Variants in TMEM238 observed in about 807,000 individuals in gnomAD.
TMEM238 encodes the protein transmembrane protein 238.
For synonymous variants in TMEM238, 103 were observed against 111.5 expected (o/e 0.92, Z 0.48); for missense variants, 169 against 206.8 (o/e 0.82, Z 1.12).
intron 1 of TMEM238, among the ~76,000 whole-genome samples, chr19:55,380,266 TCTCCTCCCCTCCCCTCCCCTCCCCC>T (rs1176511865): frequency 8.3e-6 from 1 of 120,712 alleles, no homozygotes; most frequent in Non-Finnish European, 1.7e-5. Flanking sequence ...AGGATTCTCC[TCTCCTCCCCTCCCCTCCCCTCCCCC>T]CTTCCCCCCT....
chr19:55,382,569 G>A (rs1361547785), intron 1 of TMEM238, among the ~76,000 whole-genome samples: 6 of 152,202 alleles, frequency 3.9e-5, no homozygotes. Flanking sequence ...CACTCCTGGT[G>A]TAGAGAAGAG....
chr19:55,380,110 C>T (rs1046368141), intron 1 of TMEM238, among the ~76,000 whole-genome samples: 107 of 152,094 alleles, frequency 7.0e-4, no homozygotes, highest in African/African-American at 2.4e-3. Context: ...GCTGCTCACT[C>T]TCCCCAGTAA....
intron 1 of TMEM238, among the ~76,000 whole-genome samples, chr19:55,381,310 C>T (rs766170501): frequency 1.2e-4 from 17 of 144,922 alleles, no homozygotes; most frequent in South Asian, 2.3e-4. Flanking sequence ...CCCAGCTACT[C>T]GGGAAGCTGA....
chr19:55,382,601 T>C (rs528889766), intron 1 of TMEM238, among the ~76,000 whole-genome samples: 8 of 152,070 alleles, frequency 5.3e-5, no homozygotes, highest in African/African-American at 1.9e-4. Flanking sequence ...ACCAACTGGC[T>C]ATCTGTGGAC....
chr19:55,383,985 C>G lies in TMEM238; in HGVS notation c.275G>C (p.Gly92Ala). 1 of 1,423,286 alleles carries G rather than the reference C, an allele frequency of 7.0e-7. No individual in the cohort carries two copies. The highest frequency in any genetic ancestry group is 9.3e-7 in the Non-Finnish European group (1 of 1,080,012). 88.2% of individuals were successfully genotyped at this position (1,423,286 alleles called of 1,614,324 possible). A position where few individuals can be genotyped will look rare whatever the true frequency, so the allele number is the denominator to read the frequency against. ...SLLGWILWYT[G>A]NIEISRQELE... ...CTCCTGGCGCGAGATCTCGATGTTG[C>G]CGGTGTACCAGAGGATCCAGCCCAG... Residue 92 changes from glycine (G) to alanine (A), a missense_variant, in exon 1 of 2, where the codon GGC becomes GCC. Coordinates refer to ENST00000444469, the MANE Select transcript of TMEM238 (RefSeq NM_001190764.2). The surrounding 1 kb of genome is among the most constrained non-coding windows in gnomAD (Gnocchi z 4.9).
In TMEM238 at chr19:55,384,207, G is replaced by T. The variant is rs1205423168; in HGVS notation, c.53C>A (p.Pro18Gln). 2.6e-6 allele frequency: 3 copies of T among 1,165,342 alleles called. No homozygotes were observed. The African/African-American group carries it at 4.9e-5, about 19-fold the overall frequency. 72.2% of individuals were successfully genotyped at this position (1,165,342 alleles called of 1,614,324 possible). A position where few individuals can be genotyped will look rare whatever the true frequency, so the allele number is the denominator to read the frequency against. The change falls in exon 1 of 2, where the codon CCG becomes CAG. Residue 18 changes from proline (P) to glutamine (Q), a missense_variant. Pro to Gln is a moderately conservative substitution (Grantham distance 76). Coordinates refer to ENST00000444469, the MANE Select transcript of TMEM238 (RefSeq NM_001190764.2). The surrounding 1 kb of genome is among the most constrained non-coding windows in gnomAD (Gnocchi z 5.6). ...TGCTGGCGCGGCCGCCGGCGCGGAC[G>T]GTGCACCCGGCGGGCTCCCCTGCGA... is the stretch of plus-strand genomic sequence containing the variant. ...CASQGSPPGA[P>Q]SAPAAAPAPA...
chr19:55,380,770 C>T (rs576205989), intron 1 of TMEM238, among the ~76,000 whole-genome samples: 1 of 150,868 alleles, frequency 6.6e-6, no homozygotes, highest in Admixed American at 6.6e-5. Flanking sequence ...CGGGTTCTCA[C>T]TCTGTCACTC....
chr19:55,380,188 C>T (rs916649022), intron 1 of TMEM238, among the ~76,000 whole-genome samples: 1 of 151,680 alleles, frequency 6.6e-6, no homozygotes, highest in Non-Finnish European at 1.5e-5. Flanking sequence ...TCAGTGTGGT[C>T]TGAGTCTTTG....
chr19:55,383,934 G>C lies in TMEM238; in HGVS notation c.326C>G (p.Pro109Arg). 7.7e-7 allele frequency: 1 copy of C among 1,306,058 alleles called. No individual in the cohort carries two copies. Among genetic ancestry groups the C allele is most frequent in the Non-Finnish European group, 9.9e-7 (1 of 1,011,462 alleles). The allele number at this position is 1,306,058 out of a possible 1,614,324, so 80.9% of individuals were successfully genotyped here. ...QELERDYGLR[P>R]SALARLARKL... ...GCGCGCCAGGCGGGCGAGCGCCGAG[G>C]GCCGCAGGCCGTAGTCGCGCTCCAG... The change falls in exon 1 of 2, where the codon CCC becomes CGC. Residue 109 changes from proline to arginine, a missense_variant. Physicochemically the swap from Pro to Arg is moderately radical, Grantham distance 103. Coordinates refer to ENST00000444469, the MANE Select transcript of TMEM238 (RefSeq NM_001190764.2). This position sits in a 1 kb window ranked among gnomAD's most constrained non-coding sequence, Gnocchi z 4.9.
rs2089892485 is a variant in TMEM238 at position 55,383,043 on chromosome 19, A to G, written c.*7+679T>C. Among the ~76,000 whole-genome samples the G allele has an allele frequency of 6.6e-6, 1 of 152,212 alleles. No individual in the cohort carries two copies. Among genetic ancestry groups the G allele is most frequent in the South Asian group, 2.1e-4 (1 of 4,836 alleles). Reference sequence around the variant, plus strand: ...CCTCCACTGCAGAATGGGGATGGTAATAGTAGTGACCTTGGAGACCAGTTA... The same window carrying G: ...CCTCCACTGCAGAATGGGGATGGTAGTAGTAGTGACCTTGGAGACCAGTTA... On this transcript the variant is annotated intron_variant, in intron 1 of 1. Coordinates refer to ENST00000444469, the MANE Select transcript of TMEM238 (RefSeq NM_001190764.2). This position sits in a 1 kb window ranked among gnomAD's most constrained non-coding sequence, Gnocchi z 4.9.
intron 1 of TMEM238, among the ~76,000 whole-genome samples, chr19:55,380,672 G>A (rs12981704): frequency 0.86 from 129,941 of 151,052 alleles, 56,607 homozygotes; most frequent in South Asian, 0.93. Flanking sequence ...TGATCCACCC[G>A]CCTCGGCCTC....
rs539837245 is a variant in TMEM238, at chr19:55,379,284, G to T, written c.*91C>A. ...TTTTATCCAAGTGAGGAGGGAGGGG[G>T]TACAGGGAGCGTCCGTCTGGCCACG... On this transcript the variant is annotated 3_prime_UTR_variant, in exon 2 of 2. Transcript: ENST00000444469. 6.6e-6 allele frequency: 1 copy of T among 152,314 alleles called. No homozygotes were observed. The highest frequency in any genetic ancestry group is 1.5e-5 in the Non-Finnish European group (1 of 68,102). The allele number at this position is 152,314 out of a possible 1,614,324, so 9.4% of individuals were successfully genotyped here.
At position 55,384,097 on chromosome 19, in the gene TMEM238, C is replaced by T. The variant is rs766136378; in HGVS notation, c.163G>A (p.Gly55Ser). 2 of 1,462,104 alleles carry T rather than the reference C, an allele frequency of 1.4e-6. No homozygotes were observed. Among genetic ancestry groups the T allele is most frequent in the Admixed American group, 2.1e-5 (1 of 46,598 alleles). The allele number at this position is 1,462,104 out of a possible 1,614,324, so 90.6% of individuals were successfully genotyped here. A position where few individuals can be genotyped will look rare whatever the true frequency, so the allele number is the denominator to read the frequency against. Residue 55 changes from glycine (G) to serine (S), a missense_variant, in exon 1 of 2, where the codon GGC becomes AGC. Coordinates refer to ENST00000444469, the MANE Select transcript of TMEM238 (RefSeq NM_001190764.2). This position sits in a 1 kb window ranked among gnomAD's most constrained non-coding sequence, Gnocchi z 5.6. ...DVAGMAALLT[G>S]VFAQLQVRGR... ...CGCACCTGCAGCTGCGCGAACACGC[C>T]GGTCAGCAGCGCCGCCATGCCCGCC...
Position 55,384,082 on chromosome 19 carries a change from G to A in TMEM238, c.178C>T (p.Leu60=), listed in dbSNP as rs2089898416. Reference sequence around the variant, plus strand: ...CCGAAGTCGCGGCCGCGCACCTGCAGCTGCGCGAACACGCCGGTCAGCAGC... The same window carrying A: ...CCGAAGTCGCGGCCGCGCACCTGCAACTGCGCGAACACGCCGGTCAGCAGC... The part of the protein sequence containing the change: ...AALLTGVFAQ[L]QVRGRDFGDL... The change falls in exon 1 of 2, where the codon CTG becomes TTG. Residue 60 remains leucine (L), a synonymous_variant. Coordinates refer to ENST00000444469, the MANE Select transcript of TMEM238 (RefSeq NM_001190764.2). The surrounding 1 kb of genome is among the most constrained non-coding windows in gnomAD (Gnocchi z 5.6). 3 of 1,473,656 alleles carry A rather than the reference G, an allele frequency of 2.0e-6. No individual in the cohort carries two copies. Among genetic ancestry groups the A allele is most frequent in the East Asian group, 2.7e-5 (1 of 36,694 alleles). The allele number at this position is 1,473,656 out of a possible 1,614,324, so 91.3% of individuals were successfully genotyped here.
At chr19:55,380,965 T>C (rs1456515852) in intron 1 of TMEM238, among the ~76,000 whole-genome samples, 1 of 152,200 alleles carries the variant, frequency 6.6e-6, no homozygotes, top group Non-Finnish European at 1.5e-5. Flanking sequence ...ATGCCAAGCT[T>C]CATGTTAGCT....
intron 1 of TMEM238, among the ~76,000 whole-genome samples, chr19:55,380,552 G>A (rs988868885): frequency 2.6e-4 from 39 of 149,620 alleles, no homozygotes; most frequent in African/African-American, 8.9e-4. Flanking sequence ...AGCCTCCCTA[G>A]TAGCTGGGAT....
chr19:55,380,861 C>T (rs1166772933), intron 1 of TMEM238, among the ~76,000 whole-genome samples: 1 of 152,092 alleles, frequency 6.6e-6, no homozygotes, highest in Non-Finnish European at 1.5e-5. Context: ...CCCACCTCGG[C>T]CTCCCAAAGT....
chr19:55,383,982 T>C lies in TMEM238; in HGVS notation c.278A>G (p.Asn93Ser), dbSNP rs2089897495. Residue 93 changes from asparagine to serine, a missense_variant, in exon 1 of 2, where the codon AAC becomes AGC. By Grantham distance (46) the Asn-to-Ser change is conservative. Transcript: ENST00000444469. This position sits in a 1 kb window ranked among gnomAD's most constrained non-coding sequence, Gnocchi z 4.9. The part of the protein sequence containing the change: ...LLGWILWYTG[N>S]IEISRQELER... ...CAGCTCCTGGCGCGAGATCTCGATG[T>C]TGCCGGTGTACCAGAGGATCCAGCC... 2 of 1,419,512 alleles carry C rather than the reference T, an allele frequency of 1.4e-6. No homozygotes were observed. The highest frequency in any genetic ancestry group is 1.5e-5 in the African/African-American group (1 of 67,038). The allele number at this position is 1,419,512 out of a possible 1,614,324, so 87.9% of individuals were successfully genotyped here. A position where few individuals can be genotyped will look rare whatever the true frequency, so the allele number is the denominator to read the frequency against.
Position 55,383,811 on chromosome 19 carries a change from G to T in TMEM238, c.449C>A (p.Pro150His). The T allele has an allele frequency of 2.3e-6, 1 of 426,648 alleles. No homozygotes were observed. The highest frequency in any genetic ancestry group is 3.1e-6 in the Non-Finnish European group (1 of 322,420). 26.4% of individuals were successfully genotyped at this position (426,648 alleles called of 1,614,324 possible). ...ARRAARAPPP[P>H]AAGSRRVRLQ... ...GCGCACGCGGCGGGAGCCGGCGGCGGGCGGCGGGGGCGCGCGGGCGGCTCG... is the reference window on the plus strand; with the variant it reads ...GCGCACGCGGCGGGAGCCGGCGGCGTGCGGCGGGGGCGCGCGGGCGGCTCG... Residue 150 changes from proline (P) to histidine (H), a missense_variant, in exon 1 of 2, where the codon CCC (proline) becomes CAC (histidine). By Grantham distance (77) the Pro-to-His change is moderately conservative. Transcript: ENST00000444469. The surrounding 1 kb of genome is among the most constrained non-coding windows in gnomAD (Gnocchi z 4.9).
Sources: allele counts gnomAD v4.1 joint callset (sites outside exome capture counted in the v4.1 genomes callset), GRCh38; gene constraint gnomAD v4.1.1; non-coding constraint Gnocchi (gnomAD v3.1); transcripts MANE v1.5; gene names NCBI Gene and HGNC (gene_info 2026-07-23, HGNC 2026-07-21).